The following SAMD8 variants were observed in gnomAD, a reference collection of about 807,000 sequenced individuals.
SAMD8 encodes the protein sphingomyelin synthase-related protein 1.
In SAMD8, 20 loss-of-function variants were observed where a neutral mutation model predicts 42.0. The ratio of observed to expected loss-of-function variants is 0.48; its 90% CI spans 0.34 to 0.69. The LOEUF is 0.69. SAMD8 is among the 30% of genes least tolerant of loss of function. The pLI, the probability that SAMD8 is intolerant of heterozygous loss-of-function variation, is 0.01. For missense variants in SAMD8, 328 were observed against 511.6 expected, an observed-to-expected ratio of 0.64 and a Z score of 3.46; for synonymous variants, 162 against 173.0, an observed-to-expected ratio of 0.94 and a Z score of 0.50.
At chr10:75,113,982 G>T (rs950354544) in intron 1 of SAMD8, among the ~76,000 whole-genome samples, 1 of 152,302 alleles carries the variant, frequency 6.6e-6, no homozygotes, top group Admixed American at 6.5e-5. Flanking sequence ...ATATTAGCAT[G>T]TCTAATAGTT....
intron 1 of SAMD8, chr10:75,150,311 G>T: frequency 1.7e-5 from 4 of 234,582 alleles, no homozygotes; most frequent in Non-Finnish European, 2.7e-5. Context: ...GGTAGAGATA[G>T]GATCTTGCTA....
In SAMD8 at chr10:75,175,971, A is replaced by C. The variant is rs1840982076; in HGVS notation, c.793-95A>C. ...TGCTTTGGCTTAGATCTTATTTCTA[A>C]GTTATTCAGCATTTGAATTTCAATA... On this transcript the variant is annotated intron_variant, in intron 4 of 5. Coordinates refer to ENST00000542569, the MANE Select transcript of SAMD8 (RefSeq NM_001174156.2). The C allele has an allele frequency of 3.3e-6, 5 of 1,526,742 alleles. No homozygotes were observed. The South Asian group carries it at 6.7e-5, about 20-fold the overall frequency. The allele number at this position is 1,526,742 out of a possible 1,614,324, so 94.6% of individuals were successfully genotyped here.
At chr10:75,174,496 A>G (rs1840944779) in intron 4 of SAMD8, among the ~76,000 whole-genome samples, 1 of 139,140 alleles carries the variant, frequency 7.2e-6, no homozygotes, top group African/African-American at 2.7e-5. Flanking sequence ...GTGCAATGGC[A>G]CGATTTCTAC....
At chr10:75,124,813 T>C (rs1849091738) in intron 1 of SAMD8, among the ~76,000 whole-genome samples, 3 of 151,758 alleles carry the variant, frequency 2.0e-5, no homozygotes, top group Admixed American at 6.6e-5. Flanking sequence ...TTTTTTCTTT[T>C]TTTTTTTTCC....
chr10:75,181,025 T>C lies in SAMD8; in HGVS notation c.*4333T>C, dbSNP rs1392771980. Reference sequence around the variant, plus strand: ...TAATAAATGTAATTATTTTATAGTCTTTTATAGACTTACATTTTCTTCATA... The same window carrying C: ...TAATAAATGTAATTATTTTATAGTCCTTTATAGACTTACATTTTCTTCATA... On this transcript the variant is annotated 3_prime_UTR_variant, in exon 6 of 6. Transcript: ENST00000542569. 1 of 152,200 alleles carries C rather than the reference T, an allele frequency of 6.6e-6. No individual in the cohort carries two copies. Among genetic ancestry groups the C allele is most frequent in the African/African-American group, 2.4e-5 (1 of 41,460 alleles). 9.4% of individuals were successfully genotyped at this position (152,200 alleles called of 1,614,324 possible).
intron 1 of SAMD8, chr10:75,103,977 C>A (rs1394175678): frequency 7.5e-7 from 1 of 1,341,604 alleles, no homozygotes; most frequent in Non-Finnish European, 9.9e-7. Flanking sequence ...GGGCCGACCC[C>A]ACGCTGGGCT....
At chr10:75,112,046 C>T (rs1337212721) in intron 1 of SAMD8, among the ~76,000 whole-genome samples, 1 of 152,088 alleles carries the variant, frequency 6.6e-6, no homozygotes, top group Admixed American at 6.5e-5. Flanking sequence ...GAAGGTCCTG[C>T]GGGAATGTGG....
chr10:75,168,506 C>T, intron 3 of SAMD8, 35 bp from the exon 4 acceptor site: 1 of 1,604,780 alleles, frequency 6.2e-7, no homozygotes, highest in Non-Finnish European at 8.5e-7. Flanking sequence ...TTGTTTTCTT[C>T]TGATCTTTCC....
chr10:75,158,940 T>A (rs7923492), intron 2 of SAMD8, among the ~76,000 whole-genome samples: 2,104 of 152,312 alleles, frequency 0.014, 51 homozygotes, highest in African/African-American at 0.048. Context: ...ATGTACCAAT[T>A]TTGTTTATCC....
At chr10:75,139,346 A>G (rs1839965486) in intron 1 of SAMD8, among the ~76,000 whole-genome samples, 1 of 152,306 alleles carries the variant, frequency 6.6e-6, no homozygotes, top group African/African-American at 2.4e-5. Flanking sequence ...AAGAGTTAGT[A>G]TTTAAATCAG....
At chr10:75,102,029 C>A in intron 1 of SAMD8, 2 of 1,221,552 alleles carry the variant, frequency 1.6e-6, no homozygotes, top group Non-Finnish European at 2.2e-6. Flanking sequence ...TCCCCTGCCA[C>A]TCCCAACTTG....
intron 1 of SAMD8, among the ~76,000 whole-genome samples, chr10:75,119,517 C>T (rs932489310): frequency 6.6e-6 from 1 of 152,140 alleles, no homozygotes. Context: ...CCTTTAGGGG[C>T]ATTTGAATGT....
At chr10:75,105,754 T>C in intron 1 of SAMD8, 1 of 1,553,398 alleles carries the variant, frequency 6.4e-7, no homozygotes, top group South Asian at 1.2e-5. Context: ...CCATCGGTGC[T>C]GCCTCACGGT....
At chr10:75,109,324 C>A (rs979086311), upstream of SAMD8, 3 of 625,006 alleles carry the variant, frequency 4.8e-6, no homozygotes, top group Admixed American at 4.1e-5. Flanking sequence ...AGCCTCCCCC[C>A]ACCCCCAAAC....
chr10:75,124,528 G>A (rs544918256), intron 1 of SAMD8, among the ~76,000 whole-genome samples: 1 of 151,070 alleles, frequency 6.6e-6, no homozygotes, highest in African/African-American at 2.4e-5. Context: ...TGGGAGAATT[G>A]CTTCAACCCG....
chr10:75,135,780 C>T lies in SAMD8; in HGVS notation c.-15-14734C>T, dbSNP rs534825728. Among the ~76,000 whole-genome samples the T allele has an allele frequency of 3.3e-5, 5 of 151,620 alleles. No individual in the cohort carries two copies. The South Asian group carries it at 8.3e-4, about 25-fold the overall frequency. On this transcript the variant is annotated intron_variant, in intron 1 of 5. Coordinates refer to ENST00000542569, the MANE Select transcript of SAMD8 (RefSeq NM_001174156.2). Reference sequence around the variant, plus strand: ...GGCAGAGCTTGCAGTGAGCTGAGATCGCGCCACTACACTTCAGCCTGGGCG... The same window carrying T: ...GGCAGAGCTTGCAGTGAGCTGAGATTGCGCCACTACACTTCAGCCTGGGCG...
At chr10:75,102,817 T>C (rs185237507) in intron 1 of SAMD8, among the ~76,000 whole-genome samples, 1,646 of 152,242 alleles carry the variant, frequency 0.011, 32 homozygotes, top group African/African-American at 0.037. Context: ...CTGGGCGTGG[T>C]GGCGCATGCC....
intron 4 of SAMD8, 101 bp from the exon 5 acceptor site, chr10:75,175,965 T>C: frequency 6.6e-7 from 1 of 1,524,634 alleles, no homozygotes. Context: ...TTAGATCTTA[T>C]TTCTAAGTTA....
chr10:75,134,434 A>C (rs915070207), intron 1 of SAMD8, among the ~76,000 whole-genome samples: 4 of 152,180 alleles, frequency 2.6e-5, no homozygotes, highest in Non-Finnish European at 4.4e-5. Context: ...CAGTAGTTAG[A>C]GACCAGCCTG....
Sources: allele counts gnomAD v4.1 joint callset (sites outside exome capture counted in the v4.1 genomes callset), GRCh38; gene constraint gnomAD v4.1.1; transcripts MANE v1.5; gene names NCBI Gene and HGNC (gene_info 2026-07-23, HGNC 2026-07-21).